Variants in PPM1D observed in about 807,000 individuals in gnomAD.
The protein encoded by PPM1D is protein phosphatase 1D.
PPM1D carries 52 observed loss-of-function variants against 58.3 expected under a neutral mutation model. The observed-to-expected ratio is 0.89, with a 90% CI of 0.71 to 1.12. The LOEUF is 1.12. PPM1D is among the 50% of genes most tolerant of loss of function. PPM1D has a pLI of 0.00. For missense variants in PPM1D, 564 were observed against 777.2 expected, an observed-to-expected ratio of 0.73 and a Z score of 3.26; for synonymous variants, 278 against 285.1, an observed-to-expected ratio of 0.98 and a Z score of 0.25.
intron 5 of PPM1D, among the ~76,000 whole-genome samples, chr17:60,658,212 C>T (rs908518182): frequency 3.3e-5 from 5 of 152,030 alleles, no homozygotes; most frequent in Non-Finnish European, 7.3e-5. Context: ...TTATAACTGA[C>T]CTTTAGGCAG....
At chr17:60,629,250 A>G (rs182423820) in intron 2 of PPM1D, among the ~76,000 whole-genome samples, 152 of 152,352 alleles carry the variant, frequency 1.0e-3, no homozygotes, top group Non-Finnish European at 1.8e-3. Flanking sequence ...CCTTGTATGC[A>G]TGCAGTTTGT....
At chr17:60,602,306 A>G (rs2030231778) in intron 1 of PPM1D, among the ~76,000 whole-genome samples, 1 of 152,276 alleles carries the variant, frequency 6.6e-6, no homozygotes, top group Non-Finnish European at 1.5e-5. Flanking sequence ...GACTAGGCAC[A>G]GAACTATTTA....
chr17:60,650,537 G>A (rs914183888), intron 4 of PPM1D, among the ~76,000 whole-genome samples: 9 of 151,320 alleles, frequency 5.9e-5, no homozygotes, highest in Admixed American at 4.6e-4. Context: ...GTGACAGAGC[G>A]AGACTCCATC....
At chr17:60,607,011 T>A (rs2030343924) in intron 1 of PPM1D, among the ~76,000 whole-genome samples, 1 of 151,288 alleles carries the variant, frequency 6.6e-6, no homozygotes, top group Admixed American at 6.6e-5. Context: ...TTTTTTTTTT[T>A]ATAGAGACAG....
rs572271051 is a variant in PPM1D at position 60,648,470 on chromosome 17, C to T, written c.1017+388C>T. ...CACAATCTCGGCTCACTGCAAGCTC[C>T]GCCTCCTGAGTTCACGCCGTTCTCC... On this transcript the variant is annotated intron_variant, in intron 4 of 5. Coordinates refer to ENST00000305921, the MANE Select transcript of PPM1D (RefSeq NM_003620.4). Among the ~76,000 whole-genome samples the T allele has an allele frequency of 2.7e-5, 4 of 150,790 alleles. No homozygotes were observed. In the South Asian group the frequency reaches 8.4e-4, roughly 32 times the overall value.
chr17:60,639,066 C>T (rs913935607), intron 3 of PPM1D, among the ~76,000 whole-genome samples: 1 of 151,844 alleles, frequency 6.6e-6, no homozygotes, highest in Admixed American at 6.6e-5. Flanking sequence ...AGCTTGCAGT[C>T]TAGGAAAGGG....
At chr17:60,618,015 G>C (rs145759613) in intron 1 of PPM1D, among the ~76,000 whole-genome samples, 83 of 152,294 alleles carry the variant, frequency 5.4e-4, no homozygotes, top group African/African-American at 1.9e-3. Flanking sequence ...CTCTAAACAT[G>C]ATGGTTGTTT....
Position 60,664,420 on chromosome 17 carries a change from C to T in PPM1D, c.*868C>T, listed in dbSNP as rs896234374. On this transcript the variant is annotated 3_prime_UTR_variant, in exon 6 of 6. Transcript: ENST00000305921. ...ATTTCTTAAATTATTTTATATCATA[C>T]AGTTTTCATTGATTATATGGGTATA... 6.6e-6 allele frequency: 1 copy of T among 152,582 alleles called. No homozygotes were observed. The highest frequency in any genetic ancestry group is 1.5e-5 in the Non-Finnish European group (1 of 68,028). 9.5% of individuals were successfully genotyped at this position (152,582 alleles called of 1,614,324 possible). A position where few individuals can be genotyped will look rare whatever the true frequency, so the allele number is the denominator to read the frequency against.
chr17:60,629,955 T>C (rs1385901711), intron 2 of PPM1D, among the ~76,000 whole-genome samples: 1 of 152,012 alleles, frequency 6.6e-6, no homozygotes, highest in Non-Finnish European at 1.5e-5. Context: ...GAGGAGAATC[T>C]CTTGAACCTG....
intron 1 of PPM1D, among the ~76,000 whole-genome samples, chr17:60,602,298 C>T (rs1443733596): frequency 6.6e-6 from 1 of 152,160 alleles, no homozygotes; most frequent in Non-Finnish European, 1.5e-5. Flanking sequence ...GAGAGGAAGA[C>T]TAGGCACAGA....
intron 3 of PPM1D, among the ~76,000 whole-genome samples, 176 bp from the exon 4 acceptor site, chr17:60,647,716 G>T (rs1272382852): frequency 2.0e-5 from 3 of 152,150 alleles, no homozygotes; most frequent in Non-Finnish European, 4.4e-5. Context: ...GGTTAAGGGA[G>T]TTCCCTTTTA....
At chr17:60,648,308 GTATAA>G (rs1179099988) in intron 4 of PPM1D, among the ~76,000 whole-genome samples, 1 of 151,462 alleles carries the variant, frequency 6.6e-6, no homozygotes, top group African/African-American at 2.4e-5. Flanking sequence ...ACTGACTTCA[GTATAA>G]ATTGGCCTGT....
intron 1 of PPM1D, among the ~76,000 whole-genome samples, chr17:60,623,133 G>C (rs1222602708): frequency 6.6e-6 from 1 of 152,052 alleles, no homozygotes; most frequent in African/African-American, 2.4e-5. Flanking sequence ...AGAGATATGA[G>C]TAAACAGATG....
chr17:60,623,854 CT>C, intron 2 of PPM1D, 105 bp downstream of exon 2: 1 of 1,125,800 alleles, frequency 8.9e-7, no homozygotes, highest in Non-Finnish European at 1.2e-6. Context: ...AAGTTACTTT[CT>C]TAGTATTACA....
chr17:60,613,054 A>T (rs567607705), intron 1 of PPM1D, among the ~76,000 whole-genome samples: 1 of 152,328 alleles, frequency 6.6e-6, no homozygotes, highest in South Asian at 2.1e-4. Context: ...CTATCAGTTA[A>T]GAGCTTTCAG....
intron 5 of PPM1D, chr17:60,657,234 T>G: frequency 2.0e-6 from 1 of 506,100 alleles, no homozygotes; most frequent in Non-Finnish European, 2.5e-6. Context: ...AACAAGGTCA[T>G]AGAGAATCAA....
chr17:60,614,745 C>CA (rs1467303678), intron 1 of PPM1D, among the ~76,000 whole-genome samples: 1 of 152,168 alleles, frequency 6.6e-6, no homozygotes, highest in Admixed American at 6.5e-5. Flanking sequence ...AAGGAACGAA[C>CA]AACTCCAGAC....
At position 60,637,357 on chromosome 17, in the gene PPM1D, C is replaced by T. The variant is rs536050426; in HGVS notation, c.826+3380C>T. Among the ~76,000 whole-genome samples, 3 of 152,234 alleles carry T rather than the reference C, an allele frequency of 2.0e-5. No homozygotes were observed. The East Asian group carries it at 5.8e-4, about 29-fold the overall frequency. ...CTGACCTCAAGTGATCTACCCACTT[C>T]GGCCTCTCAGAGTACTGGGATTACA... is the stretch of plus-strand genomic sequence containing the variant. On this transcript the variant is annotated intron_variant, in intron 3 of 5. Transcript: ENST00000305921.
In PPM1D at chr17:60,647,529, A is replaced by G. The variant is rs2031271095; in HGVS notation, c.827-363A>G. On this transcript the variant is annotated intron_variant, in intron 3 of 5. Coordinates refer to ENST00000305921, the MANE Select transcript of PPM1D (RefSeq NM_003620.4). Reference sequence around the variant, plus strand: ...ATATTAGTATTATTTTCTCCTTTCCATTTTGTATATACTTTATTTTTATTA... The same window carrying G: ...ATATTAGTATTATTTTCTCCTTTCCGTTTTGTATATACTTTATTTTTATTA... Among the ~76,000 whole-genome samples the G allele has an allele frequency of 2.0e-5, 3 of 152,148 alleles. No individual in the cohort carries two copies. In the South Asian group the frequency reaches 6.2e-4, roughly 32 times the overall value.
Sources: gnomAD v4.1 joint callset for allele counts (sites outside exome capture counted in the v4.1 genomes callset) on GRCh38, gnomAD v4.1.1 for gene constraint, MANE v1.5 for transcripts, NCBI Gene and HGNC (gene_info 2026-07-23, HGNC 2026-07-21) for gene names.